Variants in IL1RAPL2 observed in about 807,000 individuals in gnomAD.
The protein encoded by IL1RAPL2 is X-linked interleukin-1 receptor accessory protein-like 2.
IL1RAPL2 carries 3 observed loss-of-function variants against 44.1 expected under a neutral mutation model. The ratio of observed to expected loss-of-function variants is 0.07; its 90% CI spans 0.03 to 0.18. The LOEUF (loss-of-function observed/expected upper bound fraction) is 0.18. IL1RAPL2 is among the 10% of genes least tolerant of loss of function. The pLI is 1.00. For synonymous variants in IL1RAPL2, 181 were observed against 178.8 expected (o/e 1.01, Z -0.10); for missense variants, 391 against 496.4 (o/e 0.79, Z 2.02).
intron 6 of IL1RAPL2, among the ~76,000 whole-genome samples, chrX:105,527,848 G>A (rs771281196): frequency 9.0e-6 from 1 of 110,801 alleles, no homozygotes; most frequent in African/African-American, 3.3e-5. Flanking sequence ...CCTTCTACAA[G>A]CCTCCCTTTG....
chrX:105,692,595 A>G (rs1156812559), intron 6 of IL1RAPL2, among the ~76,000 whole-genome samples: 1 of 110,548 alleles, frequency 9.0e-6, no homozygotes, highest in Non-Finnish European at 1.9e-5. Context: ...AGATAATTAC[A>G]AAGCAATATT....
In IL1RAPL2 at chrX:104,916,760, T is replaced by G. The variant is rs183841602; in HGVS notation, c.82+257765T>G. Among the ~76,000 whole-genome samples, 6 of 111,508 alleles carry G rather than the reference T, an allele frequency of 5.4e-5. No individual in the cohort carries two copies. In the South Asian group the frequency reaches 1.9e-3, roughly 35 times the overall value. ...TATGTCCCATCAGTACGTAATTTCT[T>G]GAGAGTTTTTAGCATGAAGGGTTGT... On this transcript the variant is annotated intron_variant, in intron 2 of 10. Coordinates refer to ENST00000372582, the MANE Select transcript of IL1RAPL2 (RefSeq NM_017416.2).
intron 6 of IL1RAPL2, among the ~76,000 whole-genome samples, chrX:105,544,529 G>T (rs186769174): frequency 9.0e-6 from 1 of 111,000 alleles, no homozygotes; most frequent in African/African-American, 3.3e-5. Context: ...AGTCAGTATG[G>T]TTACTGGCTG....
intron 2 of IL1RAPL2, among the ~76,000 whole-genome samples, chrX:104,777,922 A>G (rs1932746152): frequency 9.0e-6 from 1 of 110,872 alleles, no homozygotes; most frequent in Non-Finnish European, 1.9e-5. Flanking sequence ...TCTACTTTTA[A>G]TATTTTGAGA....
chrX:104,634,841 C>T (rs747282952), intron 1 of IL1RAPL2, among the ~76,000 whole-genome samples: 5 of 111,791 alleles, frequency 4.5e-5, no homozygotes, highest in Non-Finnish European at 7.5e-5. Context: ...AGCCCATTTA[C>T]ATTTAAGGTT....
intron 2 of IL1RAPL2, among the ~76,000 whole-genome samples, chrX:105,037,672 G>T (rs2031653725): frequency 1.8e-5 from 2 of 111,315 alleles, no homozygotes; most frequent in African/African-American, 6.5e-5. Flanking sequence ...ACTGTCATTT[G>T]TCCTCTAGAT....
chrX:105,314,497 T>G (rs772326392), intron 5 of IL1RAPL2, among the ~76,000 whole-genome samples: 31 of 111,971 alleles, frequency 2.8e-4, no homozygotes, highest in Non-Finnish European at 3.4e-4. Flanking sequence ...CACCACAAAT[T>G]AGAGGCAGAT....
intron 2 of IL1RAPL2, among the ~76,000 whole-genome samples, chrX:104,946,303 G>T (rs1228966059): frequency 2.3e-5 from 2 of 85,310 alleles, no homozygotes; most frequent in East Asian, 4.2e-4. Context: ...AACCCGGGAA[G>T]CGGAGCTTGC....
chrX:104,642,992 G>C (rs1929964181), intron 1 of IL1RAPL2, among the ~76,000 whole-genome samples: 1 of 111,761 alleles, frequency 8.9e-6, no homozygotes, highest in Admixed American at 9.5e-5. Context: ...TTCTGAGATA[G>C]GTAATTTTTA....
At chrX:105,723,711 C>G (rs1301742037) in intron 7 of IL1RAPL2, among the ~76,000 whole-genome samples, 1 of 111,395 alleles carries the variant, frequency 9.0e-6, no homozygotes, top group African/African-American at 3.3e-5. Flanking sequence ...TGGTGAGGGC[C>G]TGTTCCTCGT....
chrX:104,985,859 T>A (rs1269065333), intron 2 of IL1RAPL2, among the ~76,000 whole-genome samples: 1 of 112,337 alleles, frequency 8.9e-6, no homozygotes, highest in Non-Finnish European at 1.9e-5. Context: ...AACTACCGAG[T>A]TATGTGTACC....
At chrX:105,195,268 G>C (rs782377778) in intron 2 of IL1RAPL2, among the ~76,000 whole-genome samples, 95 of 108,729 alleles carry the variant, frequency 8.7e-4, no homozygotes, top group African/African-American at 3.1e-3. Flanking sequence ...TAGAATATTG[G>C]AAGATACCCC....
chrX:105,144,924 A>G (rs2033165937), intron 2 of IL1RAPL2, among the ~76,000 whole-genome samples: 1 of 110,760 alleles, frequency 9.0e-6, no homozygotes, highest in Admixed American at 9.7e-5. Flanking sequence ...CTTGCCCCCA[A>G]ATCACCCTAT....
intron 5 of IL1RAPL2, among the ~76,000 whole-genome samples, chrX:105,298,410 G>A (rs1239812065): frequency 9.0e-6 from 1 of 110,701 alleles, no homozygotes; most frequent in Non-Finnish European, 1.9e-5. Flanking sequence ...GGAAAAGCGG[G>A]AATTAGAGAT....
intron 6 of IL1RAPL2, among the ~76,000 whole-genome samples, chrX:105,694,047 C>A (rs1325417898): frequency 1.8e-5 from 2 of 111,513 alleles, no homozygotes; most frequent in African/African-American, 3.3e-5. Context: ...TTTATAACAG[C>A]AATAGGAAAC....
At chrX:105,367,295 C>T (rs938029587) in intron 5 of IL1RAPL2, among the ~76,000 whole-genome samples, 3 of 111,495 alleles carry the variant, frequency 2.7e-5, no homozygotes, top group Middle Eastern at 4.7e-3. Flanking sequence ...CACATAGTGT[C>T]TTTTGATTGG....
At chrX:105,481,333 G>A (rs940738842) in intron 5 of IL1RAPL2, among the ~76,000 whole-genome samples, 2 of 112,298 alleles carry the variant, frequency 1.8e-5, no homozygotes, top group South Asian at 7.2e-4. Flanking sequence ...TACCTTACAA[G>A]GTCATCATGA....
intron 6 of IL1RAPL2, among the ~76,000 whole-genome samples, chrX:105,591,993 T>C (rs906847105): frequency 3.5e-4 from 39 of 111,361 alleles, no homozygotes; most frequent in African/African-American, 1.3e-3. Context: ...CTTGATGATC[T>C]ATATAATACT....
intron 6 of IL1RAPL2, among the ~76,000 whole-genome samples, chrX:105,714,987 A>G (rs2038244570): frequency 8.9e-6 from 1 of 112,133 alleles, no homozygotes; most frequent in African/African-American, 3.2e-5. Context: ...TATTAGCAAC[A>G]ATCTTCTTAA....
Sources: allele counts gnomAD v4.1 joint callset (sites outside exome capture counted in the v4.1 genomes callset), GRCh38; gene constraint gnomAD v4.1.1; transcripts MANE v1.5; gene names NCBI Gene and HGNC (gene_info 2026-07-23, HGNC 2026-07-21).